TCF4: variants seen among roughly 807,000 people sequenced by gnomAD.
The protein encoded by TCF4 is transcription factor 4.
In TCF4, 3 loss-of-function variants were observed where a neutral mutation model predicts 82.1. The observed-to-expected ratio is 0.04, with a 90% CI of 0.02 to 0.09. The LOEUF (loss-of-function observed/expected upper bound fraction) is 0.09, where lower values mean the gene tolerates loss of function less well. Among genes scored for constraint, TCF4 ranks in the 10% least tolerant of loss-of-function variants. The pLI is 1.00. For missense variants in TCF4, 518 were observed against 852.7 expected (o/e 0.61, Z 4.89); for synonymous variants, 276 against 309.6 (o/e 0.89, Z 1.14).
At chr18:55,321,543 T>C (rs1315422442) in intron 8 of TCF4, 2 of 1,367,942 alleles carry the variant, frequency 1.5e-6, no homozygotes, top group Non-Finnish European at 2.0e-6. Context: ...ATGATAAATA[T>C]TTCATGGCAC....
At chr18:55,363,858 C>T (rs540926382) in intron 6 of TCF4, among the ~76,000 whole-genome samples, 50 of 152,028 alleles carry the variant, frequency 3.3e-4, no homozygotes, top group African/African-American at 1.1e-3. Context: ...CCAAACCATA[C>T]AAAGTTGAAC....
chr18:55,513,680 G>A (rs2096851748), intron 3 of TCF4, among the ~76,000 whole-genome samples: 1 of 151,862 alleles, frequency 6.6e-6, no homozygotes. Flanking sequence ...AACCTTTAAT[G>A]GCATACAGGA....
chr18:55,549,331 A>T (rs1328706672), intron 3 of TCF4, among the ~76,000 whole-genome samples: 1 of 144,448 alleles, frequency 6.9e-6, no homozygotes, highest in African/African-American at 2.5e-5. Flanking sequence ...TTGCTTTAAT[A>T]AAAAAAAAAA....
chr18:55,609,345 C>A (rs1161230489), intron 2 of TCF4, among the ~76,000 whole-genome samples: 1 of 152,078 alleles, frequency 6.6e-6, no homozygotes, highest in Non-Finnish European at 1.5e-5. Context: ...TCATGAAAAT[C>A]CTTGAGGCAA....
chr18:55,369,208 T>C (rs78055419), intron 6 of TCF4, among the ~76,000 whole-genome samples: 542 of 152,308 alleles, frequency 3.6e-3, no homozygotes, highest in Non-Finnish European at 6.2e-3. Context: ...GTCAATAACA[T>C]AAATCCTACA....
rs572535118 is a variant in TCF4, at chr18:55,242,563, G to A, written c.1351-7880C>T. Among the ~76,000 whole-genome samples, 25 of 151,858 alleles carry A rather than the reference G, an allele frequency of 1.6e-4. 1 individual carries two copies. The South Asian group carries it at 5.2e-3, about 32-fold the overall frequency. ...TGTACTATATGCAAGGCACTACATG[G>A]GCATTTGCAAGGAAAAATAAACACG... On this transcript the variant is annotated intron_variant, in intron 15 of 19. Transcript: ENST00000354452.
chr18:55,564,984 G>A (rs1244443073), intron 3 of TCF4, among the ~76,000 whole-genome samples: 1 of 152,284 alleles, frequency 6.6e-6, no homozygotes, highest in African/African-American at 2.4e-5. Context: ...CCTCTCAATA[G>A]AAGAGAAAAA....
At chr18:55,234,019 G>A (rs1306442297) in intron 16 of TCF4, among the ~76,000 whole-genome samples, 1 of 152,028 alleles carries the variant, frequency 6.6e-6, no homozygotes, top group Non-Finnish European at 1.5e-5. Flanking sequence ...CTCCTAGTCA[G>A]CTGGCCAGCA....
At chr18:55,435,477 C>T (rs1011510755) in intron 5 of TCF4, among the ~76,000 whole-genome samples, 8 of 152,168 alleles carry the variant, frequency 5.3e-5, no homozygotes, top group African/African-American at 1.9e-4. Flanking sequence ...TCCACAAGGG[C>T]AGGCATTATT....
chr18:55,534,073 T>C (rs1324402992), intron 3 of TCF4, among the ~76,000 whole-genome samples: 5 of 152,226 alleles, frequency 3.3e-5, no homozygotes, highest in African/African-American at 1.2e-4. Context: ...TTATGTTTCA[T>C]ATGCAGCTTC....
upstream of TCF4, chr18:55,589,564 G>C: frequency 8.7e-6 from 9 of 1,033,788 alleles, no homozygotes; most frequent in Non-Finnish European, 9.3e-6. Flanking sequence ...TTTTCTTATT[G>C]TTTATAAAAA....
At chr18:55,472,237 T>C (rs1355383941) in intron 3 of TCF4, among the ~76,000 whole-genome samples, 1 of 152,232 alleles carries the variant, frequency 6.6e-6, no homozygotes, top group Non-Finnish European at 1.5e-5. Flanking sequence ...AGTGGGTAAC[T>C]GTTATGTTAC....
Position 55,426,319 on chromosome 18 carries a change from C to T in TCF4, c.305-22801G>A, listed in dbSNP as rs1603459922. On this transcript the variant is annotated intron_variant, in intron 5 of 19. Coordinates refer to ENST00000354452, the MANE Select transcript of TCF4 (RefSeq NM_001083962.2). ...AGATGCAGCCACAGATCATCCAAAA[C>T]TGAGGTTCCACAGAAAATCTGTTCC... is the stretch of plus-strand genomic sequence containing the variant. Among the ~76,000 whole-genome samples the T allele has an allele frequency of 2.0e-5, 3 of 152,244 alleles. No individual in the cohort carries two copies. In the South Asian group the frequency reaches 6.2e-4, roughly 32 times the overall value.
intron 3 of TCF4, among the ~76,000 whole-genome samples, chr18:55,538,612 T>C (rs1471340066): frequency 6.6e-6 from 1 of 152,208 alleles, no homozygotes; most frequent in East Asian, 1.9e-4. Flanking sequence ...CCCAGGATAC[T>C]GGACTTTTAG....
intron 3 of TCF4, among the ~76,000 whole-genome samples, chr18:55,504,108 C>A (rs987359433): frequency 2.6e-5 from 4 of 152,296 alleles, no homozygotes. Flanking sequence ...CCCTAATGTA[C>A]TCCTATCTCT....
At chr18:55,308,871 T>C (rs1242204198) in intron 8 of TCF4, among the ~76,000 whole-genome samples, 1 of 152,228 alleles carries the variant, frequency 6.6e-6, no homozygotes, top group African/African-American at 2.4e-5. Context: ...TATTCTGTCA[T>C]GACCCACATG....
At chr18:55,357,234 G>A (rs1021292209) in intron 6 of TCF4, among the ~76,000 whole-genome samples, 1 of 152,040 alleles carries the variant, frequency 6.6e-6, no homozygotes, top group Non-Finnish European at 1.5e-5. Flanking sequence ...TATTAAAAGG[G>A]GGATTATATT....
chr18:55,291,950 G>A (rs973289467), intron 8 of TCF4, among the ~76,000 whole-genome samples: 15 of 152,264 alleles, frequency 9.9e-5, no homozygotes, highest in Admixed American at 3.3e-4. Context: ...CTAAAGAAAT[G>A]TAAAGGAAGT....
chr18:55,581,218 AGACCAAGGTTATTTCCAATAAAGGATTT>A (rs1403703055), intron 3 of TCF4, among the ~76,000 whole-genome samples: 1 of 152,070 alleles, frequency 6.6e-6, no homozygotes, highest in African/African-American at 2.4e-5. Context: ...GACAGCAGTG[AGACCAAGGTTATTTCCAATAAAGGATTT>A]GCAGGGCCAT....
Sources: gnomAD v4.1 joint callset for allele counts (sites outside exome capture counted in the v4.1 genomes callset) on GRCh38, gnomAD v4.1.1 for gene constraint, MANE v1.5 for transcripts, NCBI Gene and HGNC (gene_info 2026-07-23, HGNC 2026-07-21) for gene names.